Variants in HYDIN observed in about 807,000 individuals in gnomAD.
HYDIN encodes axonemal central pair apparatus protein HYDIN.
In HYDIN, 132 loss-of-function variants were observed where a neutral mutation model predicts 403.9. That is an observed-to-expected ratio of 0.33 (90% CI 0.28 to 0.38). The LOEUF is 0.38. Ranked by LOEUF, HYDIN falls within the 10% of genes least tolerant of loss-of-function variation. HYDIN has a pLI of 1.00. For synonymous variants in HYDIN, 1,202 were observed against 1,891.7 expected (o/e 0.64, Z 9.46); for missense variants, 2,827 against 5,009.5 (o/e 0.56, Z 13.15).
chr16:70,828,504 C>T lies in HYDIN; in HGVS notation c.14113-75G>A, dbSNP rs1334024501. On this transcript the variant is annotated intron_variant, in intron 81 of 85. Coordinates refer to ENST00000393567, the MANE Select transcript of HYDIN (RefSeq NM_001270974.2). ...GGTACTTATTGGACATGTAGAGACC[C>T]AGGATTAATGGAGGATAATGGAGGC... 2.4e-5 allele frequency: 20 copies of T among 824,334 alleles called. No homozygotes were observed. The East Asian group carries it at 5.3e-4, about 22-fold the overall frequency. 51.1% of individuals were successfully genotyped at this position (824,334 alleles called of 1,614,324 possible).
intron 39 of HYDIN, among the ~76,000 whole-genome samples, chr16:70,956,355 G>C (rs562799663): frequency 6.6e-6 from 1 of 152,080 alleles, no homozygotes; most frequent in South Asian, 2.1e-4. Context: ...GTTAGCCTAT[G>C]GTCGCTAAGT....
chr16:71,102,460 A>AT (rs1186374890), intron 10 of HYDIN, among the ~76,000 whole-genome samples: 13 of 152,050 alleles, frequency 8.5e-5, no homozygotes, highest in African/African-American at 2.9e-4. Context: ...CCCAAAGCTC[A>AT]TTATCAGAAT....
chr16:70,966,429 AG>A (rs1432921860), intron 36 of HYDIN, among the ~76,000 whole-genome samples: 3 of 144,438 alleles, frequency 2.1e-5, no homozygotes, highest in Non-Finnish European at 4.5e-5. Flanking sequence ...CTGGAAGTAA[AG>A]AAGACAGAAG....
intron 9 of HYDIN, among the ~76,000 whole-genome samples, chr16:71,125,361 C>T (rs1453104150): frequency 4.6e-5 from 7 of 152,182 alleles, no homozygotes; most frequent in Non-Finnish European, 7.3e-5. Context: ...ATGTTCAGAG[C>T]CAAACTCGTC....
intron 54 of HYDIN, among the ~76,000 whole-genome samples, chr16:70,895,009 C>G (rs1798458): frequency 1.3e-5 from 2 of 152,358 alleles, no homozygotes; most frequent in African/African-American, 4.8e-5. Context: ...TACAATACTA[C>G]TATTTCATTA....
chr16:70,837,645 A>C (rs1597086058), intron 77 of HYDIN, 45 bp downstream of exon 77: 5 of 1,610,678 alleles, frequency 3.1e-6, no homozygotes, highest in Non-Finnish European at 4.2e-6. Context: ...TGAGAAGGGT[A>C]GAAAGGAGGG....
intron 25 of HYDIN, among the ~76,000 whole-genome samples, chr16:70,989,392 T>C (rs1010470499): frequency 6.6e-6 from 1 of 152,250 alleles, no homozygotes; most frequent in African/African-American, 2.4e-5. Context: ...GAAGAATTAA[T>C]ATTTAAAAGA....
At chr16:71,138,846 G>C (rs2144540618) in intron 7 of HYDIN, among the ~76,000 whole-genome samples, 1 of 152,298 alleles carries the variant, frequency 6.6e-6, no homozygotes, top group South Asian at 2.1e-4. Context: ...CACTTCGGGA[G>C]GCCGAGGCAG....
intron 7 of HYDIN, among the ~76,000 whole-genome samples, chr16:71,148,168 T>A: frequency 6.9e-6 from 1 of 144,538 alleles, no homozygotes. Context: ...AAATGCAGAG[T>A]ATTTGACAAA....
chr16:70,837,813 T>C lies in HYDIN; in HGVS notation c.13119A>G (p.Thr4373=). The stretch of plus-strand genomic sequence containing the variant: ...GATAAAAAGTTATTGGAATCTCCAA[T>C]GTGTTTCCTGGCTTTACCACATCAA... ...SRVDVVKPGN[T]LEIPITFYPR... The change falls in exon 77 of 86, where the codon ACA becomes ACG. Residue 4373 remains threonine, a synonymous_variant. Transcript: ENST00000393567. The C allele has an allele frequency of 6.2e-7, 1 of 1,614,018 alleles. No homozygotes were observed. Among genetic ancestry groups the C allele is most frequent in the Non-Finnish European group, 8.5e-7 (1 of 1,179,860 alleles).
intron 5 of HYDIN, among the ~76,000 whole-genome samples, chr16:71,163,943 T>C (rs1020695037): frequency 5.9e-5 from 9 of 151,526 alleles, no homozygotes; most frequent in Admixed American, 2.0e-4. Context: ...CCATTCCAAA[T>C]AAAAATGCTG....
intron 1 of HYDIN, among the ~76,000 whole-genome samples, chr16:71,226,661 C>G (rs1184492891): frequency 1.3e-5 from 2 of 152,118 alleles, no homozygotes; most frequent in Non-Finnish European, 2.9e-5. Context: ...TGTTTATGGT[C>G]TTTTTAAATA....
Position 71,175,752 on chromosome 16 carries a change from A to G in HYDIN, c.382-11T>C. 1 of 1,614,006 alleles carries G rather than the reference A, an allele frequency of 6.2e-7. No homozygotes were observed. Among genetic ancestry groups the G allele is most frequent in the Non-Finnish European group, 8.5e-7 (1 of 1,179,894 alleles). On this transcript the variant is annotated splice_polypyrimidine_tract_variant and intron_variant, in intron 4 of 85. Coordinates refer to ENST00000393567, the MANE Select transcript of HYDIN (RefSeq NM_001270974.2). ...CACCAACCTTGGAATCTGCAGGGAA[A>G]CACATGATGATGAACATCGTGCATG...
intron 47 of HYDIN, among the ~76,000 whole-genome samples, chr16:70,915,229 A>G (rs1369565377): frequency 1.3e-5 from 2 of 152,152 alleles, no homozygotes; most frequent in Non-Finnish European, 2.9e-5. Flanking sequence ...TTGTCATATT[A>G]TCAGAGTTGG....
chr16:70,861,194 T>C (rs1026918330), intron 69 of HYDIN, among the ~76,000 whole-genome samples: 1 of 152,234 alleles, frequency 6.6e-6, no homozygotes, highest in Non-Finnish European at 1.5e-5. Flanking sequence ...CTCTGGTCTC[T>C]CTCATAGGCA....
chr16:70,862,033 A>C lies in HYDIN; in HGVS notation c.11777+15T>G, dbSNP rs531588221. ...GCCTGCCAAGAAGGGTGTTGTGGCGAGCACATTTTCTTACTGGCAGAAAAG... is the reference window on the plus strand; with the variant it reads ...GCCTGCCAAGAAGGGTGTTGTGGCGCGCACATTTTCTTACTGGCAGAAAAG... On this transcript the variant is annotated intron_variant, in intron 69 of 85. Transcript: ENST00000393567. 4 of 1,550,580 alleles carry C rather than the reference A, an allele frequency of 2.6e-6. No individual in the cohort carries two copies. The highest frequency in any genetic ancestry group is 2.4e-5 in the South Asian group (2 of 83,308).
At chr16:70,882,186 AGTT>A (rs1335641521) in intron 60 of HYDIN, among the ~76,000 whole-genome samples, 1 of 152,140 alleles carries the variant, frequency 6.6e-6, no homozygotes, top group African/African-American at 2.4e-5. Context: ...AAGTCGGAAG[AGTT>A]GTTGTGAGGG....
chr16:70,896,071 C>A lies in HYDIN; in HGVS notation c.9058G>T (p.Ala3020Ser). The A allele has an allele frequency of 6.2e-7, 1 of 1,613,572 alleles. No homozygotes were observed. Residue 3020 changes from alanine (A) to serine (S), a missense_variant, in exon 54 of 86, where the codon GCA (alanine) becomes TCA (serine). Transcript: ENST00000393567. ...KKAIRLEVLD[A>S]ENLLGVVQIE... ...TGAACAACACCAAGAAGATTTTCTG[C>A]ATCTAAAACCTGGCAGGGAAAGGGA... is the stretch of plus-strand genomic sequence containing the variant.
chr16:70,974,374 C>T (rs1183888894), intron 32 of HYDIN, 74 bp from the exon 33 acceptor site: 4 of 1,500,428 alleles, frequency 2.7e-6, no homozygotes, highest in Admixed American at 2.2e-5. Context: ...GAGAAAGCCC[C>T]CACTGGGTCA....
Sources: allele counts gnomAD v4.1 joint callset (sites outside exome capture counted in the v4.1 genomes callset), GRCh38; gene constraint gnomAD v4.1.1; transcripts MANE v1.5; gene names NCBI Gene and HGNC (gene_info 2026-07-23, HGNC 2026-07-21).